Variants in MEI4 observed in about 807,000 individuals in gnomAD.
MEI4 encodes meiosis-specific protein MEI4.
MEI4 carries 27 observed loss-of-function variants against 31.4 expected under a neutral mutation model. The observed-to-expected ratio is 0.86, with a 90% confidence interval of 0.63 to 1.19. The LOEUF is 1.19. Among genes scored for constraint, MEI4 ranks in the 50% most tolerant of loss-of-function variants. The pLI is 0.00. For synonymous variants in MEI4, 122 were observed against 145.4 expected, an observed-to-expected ratio of 0.84 and a Z score of 1.16; for missense variants, 329 against 398.9, an observed-to-expected ratio of 0.82 and a Z score of 1.49.
At chr6:77,740,071 C>T (rs1767359765) in intron 2 of MEI4, among the ~76,000 whole-genome samples, 1 of 152,186 alleles carries the variant, frequency 6.6e-6, no homozygotes, top group Admixed American at 6.5e-5. Flanking sequence ...CAAAGTCATT[C>T]AGGAGCAGGT....
chr6:77,735,892 C>A (rs1262465960), intron 2 of MEI4, among the ~76,000 whole-genome samples: 1 of 151,208 alleles, frequency 6.6e-6, no homozygotes, highest in Non-Finnish European at 1.5e-5. Context: ...AGTACCCGGC[C>A]GTGTGAGGTG....
chr6:77,922,258 A>ACTTT (rs748120756), intron 4 of MEI4, among the ~76,000 whole-genome samples: 1 of 151,640 alleles, frequency 6.6e-6, no homozygotes, highest in African/African-American at 2.4e-5. Context: ...CAATGTTAAT[A>ACTTT]CTTTCTTAAT....
intron 2 of MEI4, among the ~76,000 whole-genome samples, chr6:77,736,589 C>T (rs553418352): frequency 3.3e-5 from 5 of 152,176 alleles, no homozygotes; most frequent in South Asian, 2.1e-4. Context: ...AGAAATCATT[C>T]GTCTTCTGCG....
chr6:77,916,368 T>C (rs1766547530), intron 4 of MEI4, among the ~76,000 whole-genome samples: 1 of 152,134 alleles, frequency 6.6e-6, no homozygotes, highest in Non-Finnish European at 1.5e-5. Flanking sequence ...ATCTGGTATA[T>C]CAGTTGCTTT....
chr6:77,680,112 AT>A (rs1386406383), intron 1 of MEI4, among the ~76,000 whole-genome samples: 1 of 113,070 alleles, frequency 8.8e-6, no homozygotes, highest in African/African-American at 3.6e-5. Flanking sequence ...CCTACTAAAA[AT>A]ACAAAAAAAA....
At chr6:77,683,318 A>C (rs190459571) in intron 1 of MEI4, among the ~76,000 whole-genome samples, 1 of 152,326 alleles carries the variant, frequency 6.6e-6, no homozygotes, top group East Asian at 1.9e-4. Flanking sequence ...TAAAGTATAC[A>C]ATATGGTATT....
intron 3 of MEI4, among the ~76,000 whole-genome samples, chr6:77,794,292 G>A (rs556721549): frequency 7.6e-4 from 115 of 152,288 alleles, no homozygotes; most frequent in Non-Finnish European, 1.4e-3. Flanking sequence ...GGCCAGGCGC[G>A]GTGGCTGAAG....
chr6:77,821,396 G>A (rs530680154), intron 3 of MEI4, among the ~76,000 whole-genome samples: 4 of 152,196 alleles, frequency 2.6e-5, no homozygotes, highest in Admixed American at 6.5e-5. Context: ...TTTGCATCTT[G>A]CAGTTGCCAG....
rs1766404288 is a variant in MEI4, at chr6:77,910,346, CAA to C, written c.901-12742_901-12741del. ...CCCAAAATCTTCTTAAGCTGATAGG[CAA>C]CTTCAGCAAAGTCTCAAGATTCAAA... On this transcript the variant is annotated intron_variant, in intron 4 of 4. Transcript: ENST00000684080. Among the ~76,000 whole-genome samples, 3 of 152,266 alleles carry C rather than the reference CAA, an allele frequency of 2.0e-5. No individual in the cohort carries two copies. In the South Asian group the frequency reaches 6.2e-4, roughly 32 times the overall value.
intron 1 of MEI4, among the ~76,000 whole-genome samples, chr6:77,666,394 C>A (rs977458703): frequency 6.6e-6 from 1 of 152,150 alleles, no homozygotes; most frequent in Non-Finnish European, 1.5e-5. Context: ...TGTATACGTG[C>A]AAGTCACAGG....
rs115116516 is a variant in MEI4, at chr6:77,766,886, T to A, written c.768+5221T>A. On this transcript the variant is annotated intron_variant, in intron 3 of 4. Coordinates refer to ENST00000684080, the MANE Select transcript of MEI4 (RefSeq NM_001322247.2). ...TTGTTGTATGTTTCTCTGCTGCAAGTTAGGACATTGTTTTAGTAATAACAC... is the reference window on the plus strand; with the variant it reads ...TTGTTGTATGTTTCTCTGCTGCAAGATAGGACATTGTTTTAGTAATAACAC... 7.2e-5 allele frequency among the ~76,000 whole-genome samples: 11 copies of A among 152,290 alleles called. No individual in the cohort carries two copies. The South Asian group carries it at 2.3e-3, about 32-fold the overall frequency.
intron 3 of MEI4, among the ~76,000 whole-genome samples, chr6:77,768,713 A>T (rs1332715015): frequency 1.3e-5 from 2 of 152,096 alleles, no homozygotes; most frequent in East Asian, 3.9e-4. Flanking sequence ...AAAAAAAAAA[A>T]AATTACAGAC....
chr6:77,690,875 C>A lies in MEI4; in HGVS notation c.204C>A (p.Ser68Arg). 8.1e-7 allele frequency: 1 copy of A among 1,231,194 alleles called. No homozygotes were observed. Among genetic ancestry groups the A allele is most frequent in the Non-Finnish European group, 1.0e-6 (1 of 987,194 alleles). The allele number at this position is 1,231,194 out of a possible 1,614,324, so 76.3% of individuals were successfully genotyped here. A position where few individuals can be genotyped will look rare whatever the true frequency, so the allele number is the denominator to read the frequency against. ...AATTACGTCAAAAACTTCTTGTGAG[C>A]AGGCTTTGTTCAGGATCCTTTAAGA... ...VMQLRQKLLV[S>R]RLCSGSFKSG... Residue 68 changes from serine to arginine, a missense_variant, in exon 2 of 5, where the codon AGC (serine) becomes AGA (arginine). By Grantham distance (110) the Ser-to-Arg change is moderately radical. Coordinates refer to ENST00000684080, the MANE Select transcript of MEI4 (RefSeq NM_001322247.2).
intron 4 of MEI4, among the ~76,000 whole-genome samples, chr6:77,898,713 A>G (rs559645953): frequency 6.6e-6 from 1 of 152,170 alleles, no homozygotes; most frequent in African/African-American, 2.4e-5. Context: ...ATTTTACAGC[A>G]TTAAATATAA....
At chr6:77,843,090 TAA>T (rs10710679) in intron 4 of MEI4, among the ~76,000 whole-genome samples, 125 of 143,846 alleles carry the variant, frequency 8.7e-4, no homozygotes, top group Middle Eastern at 3.6e-3. Context: ...TTACTATTAT[TAA>T]AAAAAAAAAA....
At chr6:77,769,808 T>C (rs1380754413) in intron 3 of MEI4, among the ~76,000 whole-genome samples, 1 of 152,110 alleles carries the variant, frequency 6.6e-6, no homozygotes, top group African/African-American at 2.4e-5. Flanking sequence ...TATCATGTGC[T>C]GAATAAACAG....
chr6:77,696,163 G>A (rs1021432450), intron 2 of MEI4, among the ~76,000 whole-genome samples: 1 of 152,092 alleles, frequency 6.6e-6, no homozygotes, highest in Non-Finnish European at 1.5e-5. Flanking sequence ...GGAGATTTTG[G>A]ACTGAGACAA....
intron 4 of MEI4, among the ~76,000 whole-genome samples, chr6:77,880,810 C>G (rs2127728488): frequency 6.6e-6 from 1 of 151,912 alleles, no homozygotes; most frequent in African/African-American, 2.4e-5. Flanking sequence ...TTCAACAAAA[C>G]AATTTCAGGA....
intron 1 of MEI4, among the ~76,000 whole-genome samples, chr6:77,673,889 G>C (rs1377471059): frequency 6.6e-6 from 1 of 152,008 alleles, no homozygotes; most frequent in African/African-American, 2.4e-5. Flanking sequence ...AAGGGGCTTT[G>C]GGCACTTAAA....
Sources: gnomAD v4.1 joint callset for allele counts (sites outside exome capture counted in the v4.1 genomes callset) on GRCh38, gnomAD v4.1.1 for gene constraint, MANE v1.5 for transcripts, NCBI Gene and HGNC (gene_info 2026-07-23, HGNC 2026-07-21) for gene names.